Variants in KCNJ3 observed in about 807,000 individuals in gnomAD.
KCNJ3 encodes G protein-activated inward rectifier potassium channel 1.
Under a neutral mutation model 39.2 loss-of-function variants are expected in KCNJ3, and 4 were observed. The ratio of observed to expected loss-of-function variants is 0.10; its 90% CI spans 0.05 to 0.23. The LOEUF is 0.23. Ranked by LOEUF, KCNJ3 falls within the 10% of genes least tolerant of loss-of-function variation. KCNJ3 has a pLI of 1.00. For missense variants in KCNJ3, 276 were observed against 634.9 expected (o/e 0.43, Z 6.08); for synonymous variants, 230 against 237.4 (o/e 0.97, Z 0.29).
At chr2:154,700,716 A>AT (rs1684878847) in intron 1 of KCNJ3, among the ~76,000 whole-genome samples, 1 of 152,258 alleles carries the variant, frequency 6.6e-6, no homozygotes, top group Admixed American at 6.5e-5. Context: ...AAGGGATCCA[A>AT]TGTGCTTTTA....
intron 2 of KCNJ3, among the ~76,000 whole-genome samples, chr2:154,741,803 A>T (rs540093047): frequency 6.6e-6 from 1 of 151,954 alleles, no homozygotes; most frequent in Non-Finnish European, 1.5e-5. Flanking sequence ...AAAAGAATAC[A>T]TACAATCATT....
chr2:154,713,268 G>T (rs1348355443), intron 2 of KCNJ3, among the ~76,000 whole-genome samples: 1 of 152,096 alleles, frequency 6.6e-6, no homozygotes, highest in Non-Finnish European at 1.5e-5. Context: ...TAGTCATTCT[G>T]AATGTCTTGG....
intron 2 of KCNJ3, among the ~76,000 whole-genome samples, chr2:154,757,561 A>G (rs902810079): frequency 1.3e-5 from 2 of 152,192 alleles, no homozygotes; most frequent in African/African-American, 2.4e-5. Context: ...GAATTAGAAA[A>G]AAGGATGTAG....
intron 2 of KCNJ3, among the ~76,000 whole-genome samples, chr2:154,836,070 C>A (rs908613395): frequency 6.6e-6 from 1 of 151,854 alleles, no homozygotes; most frequent in East Asian, 1.9e-4. Flanking sequence ...ATTAACCTGG[C>A]GTGGTGGCAT....
At chr2:154,704,642 AT>A (rs1195160790) in intron 1 of KCNJ3, among the ~76,000 whole-genome samples, 1 of 152,140 alleles carries the variant, frequency 6.6e-6, no homozygotes, top group Admixed American at 6.5e-5. Context: ...GTACAATGTA[AT>A]TGTAGACAAT....
At chr2:154,837,547 T>C (rs545651771) in intron 2 of KCNJ3, among the ~76,000 whole-genome samples, 2 of 152,254 alleles carry the variant, frequency 1.3e-5, no homozygotes, top group African/African-American at 2.4e-5. Context: ...TGGAAGACTT[T>C]TATTATTCAA....
intron 1 of KCNJ3, among the ~76,000 whole-genome samples, chr2:154,703,139 T>G (rs1684935694): frequency 9.9e-6 from 1 of 101,332 alleles, no homozygotes; most frequent in Non-Finnish European, 2.2e-5. Flanking sequence ...TACTATTCTT[T>G]GATAACTGTT....
intron 2 of KCNJ3, among the ~76,000 whole-genome samples, chr2:154,836,079 ATGCG>A: frequency 6.6e-6 from 1 of 152,070 alleles, no homozygotes; most frequent in East Asian, 1.9e-4. Flanking sequence ...GCGTGGTGGC[ATGCG>A]CCTGTAGTCC....
At position 154,726,382 on chromosome 2, in the gene KCNJ3, A is replaced by C. The variant is rs368274873; in HGVS notation, c.919+16563A>C. The stretch of plus-strand genomic sequence containing the variant: ...AAATGCTCAACATAACTAATGATTA[A>C]GGAAACGCAAATCAAGACCACAAAG... On this transcript the variant is annotated intron_variant, in intron 2 of 2. Transcript: ENST00000295101. Among the ~76,000 whole-genome samples, 22 of 152,314 alleles carry C rather than the reference A, an allele frequency of 1.4e-4. No individual in the cohort carries two copies. The East Asian group carries it at 3.7e-3, about 25-fold the overall frequency.
At chr2:154,816,082 C>T (rs576501401) in intron 2 of KCNJ3, among the ~76,000 whole-genome samples, 2 of 152,180 alleles carry the variant, frequency 1.3e-5, no homozygotes, top group South Asian at 2.1e-4. Flanking sequence ...TGCTCTGCCT[C>T]GCATGTAGTA....
chr2:154,719,617 G>A (rs1341566755), intron 2 of KCNJ3, among the ~76,000 whole-genome samples: 1 of 152,096 alleles, frequency 6.6e-6, no homozygotes, highest in Non-Finnish European at 1.5e-5. Flanking sequence ...ACACACTCAT[G>A]AAACCAGAAC....
rs1265255110 is a variant in KCNJ3 at position 154,835,490 on chromosome 2, AATATGAATATATATCAAAATATATAT to A, written c.920-19222_920-19197del. ...TGAATATGAATATATAATATTCATG[AATATGAATATATATCAAAATATATAT>A]ATATGAATATATATTTTCTGGATGA... is the stretch of plus-strand genomic sequence containing the variant. On this transcript the variant is annotated intron_variant, in intron 2 of 2. Transcript: ENST00000295101. Among the ~76,000 whole-genome samples, 497 of 125,210 alleles carry A rather than the reference AATATGAATATATATCAAAATATATAT, an allele frequency of 4.0e-3. 2 individuals are homozygous for A. The highest frequency in any genetic ancestry group is 8.0e-3 in the Middle Eastern group (2 of 250). 82.1% of individuals were successfully genotyped at this position (125,210 alleles called of 152,430 possible).
intron 2 of KCNJ3, among the ~76,000 whole-genome samples, chr2:154,785,389 A>G (rs1435076106): frequency 6.6e-6 from 1 of 152,156 alleles, no homozygotes; most frequent in African/African-American, 2.4e-5. Flanking sequence ...TTCTCTGTGC[A>G]CATGTGCTAT....
At chr2:154,819,911 C>CAAAA (rs5835548) in intron 2 of KCNJ3, among the ~76,000 whole-genome samples, 2 of 148,312 alleles carry the variant, frequency 1.3e-5, no homozygotes, top group Non-Finnish European at 1.5e-5. Context: ...TCCAGATTGG[C>CAAAA]AAAAAAAAAA....
chr2:154,698,701 TTA>T lies in KCNJ3; in HGVS notation c.-73_-72del. The T allele has an allele frequency of 7.8e-6, 1 of 127,708 alleles. No homozygotes were observed. Among genetic ancestry groups the T allele is most frequent in the Non-Finnish European group, 1.7e-5 (1 of 57,734 alleles). The allele number at this position is 127,708 out of a possible 1,614,324, so 7.9% of individuals were successfully genotyped here. ...CCTTTCCTCCCCCGCCCCCACCTCC[TTA>T]TTGGTGCTAGTTTGCAGCGCCCAGC... On this transcript the variant is annotated 5_prime_UTR_variant, in exon 1 of 3. Transcript: ENST00000295101.
intron 2 of KCNJ3, among the ~76,000 whole-genome samples, chr2:154,727,550 G>GC (rs1685380474): frequency 7.2e-6 from 1 of 139,164 alleles, no homozygotes; most frequent in Admixed American, 7.4e-5. Context: ...CCGAGATCGT[G>GC]CCATTGCACT....
intron 2 of KCNJ3, among the ~76,000 whole-genome samples, chr2:154,741,611 A>G (rs1685654976): frequency 6.6e-6 from 1 of 151,914 alleles, no homozygotes; most frequent in African/African-American, 2.4e-5. Context: ...AATCTAAATA[A>G]AATGAATTTA....
chr2:154,723,985 T>C (rs530519184), intron 2 of KCNJ3, among the ~76,000 whole-genome samples: 2 of 152,182 alleles, frequency 1.3e-5, no homozygotes, highest in Non-Finnish European at 2.9e-5. Flanking sequence ...AATCACCCAA[T>C]TATACATTTG....
intron 2 of KCNJ3, among the ~76,000 whole-genome samples, chr2:154,747,307 A>G (rs1685763835): frequency 6.6e-6 from 1 of 152,060 alleles, no homozygotes; most frequent in African/African-American, 2.4e-5. Flanking sequence ...ATTATTTGTA[A>G]AGTAGAAGAG....
Sources: gnomAD v4.1 joint callset for allele counts (sites outside exome capture counted in the v4.1 genomes callset) on GRCh38, gnomAD v4.1.1 for gene constraint, MANE v1.5 for transcripts, NCBI Gene and HGNC (gene_info 2026-07-23, HGNC 2026-07-21) for gene names.